LY75: variants seen among roughly 807,000 people sequenced by gnomAD.
LY75 encodes the protein C-type lectin domain family 13 member B.
A neutral mutation model predicts 231.7 loss-of-function variants in LY75; 185 were observed. The ratio of observed to expected loss-of-function variants is 0.80; its 90% CI spans 0.71 to 0.90. LY75 has a LOEUF of 0.90. Ranked by LOEUF, LY75 falls within the 40% of genes least tolerant of loss-of-function variation. LY75 has a pLI of 0.00. For missense variants in LY75, 1,947 were observed against 2,050.2 expected, an observed-to-expected ratio of 0.95 and a Z score of 0.97; for synonymous variants, 668 against 689.0, an observed-to-expected ratio of 0.97 and a Z score of 0.48.
Position 159,872,515 on chromosome 2 carries a change from G to T in LY75, c.2053C>A (p.Leu685Ile). The change falls in exon 13 of 35, where the codon CTT becomes ATT. Residue 685 changes from leucine (L) to isoleucine (I), a missense_variant. Transcript: ENST00000263636. ...ERFCQALGAH[L>I]SSFSHVDEIK... ...TCATCCACATGGCTGAAGCTAGAAA[G>T]GTGTGCTCCAAGGGCTTGGCAGAAT... 1 of 1,613,942 alleles carries T rather than the reference G, an allele frequency of 6.2e-7. No individual in the cohort carries two copies. The highest frequency in any genetic ancestry group is 8.5e-7 in the Non-Finnish European group (1 of 1,179,928).
chr2:159,898,852 T>C lies in LY75; in HGVS notation c.302A>G (p.Asp101Gly), dbSNP rs1348733247. 1 of 1,614,002 alleles carries C rather than the reference T, an allele frequency of 6.2e-7. No homozygotes were observed. The highest frequency in any genetic ancestry group is 1.1e-5 in the South Asian group (1 of 91,072). Residue 101 changes from aspartate to glycine, a missense_variant, in exon 2 of 35, where the codon GAC becomes GGC. Coordinates refer to ENST00000263636, the MANE Select transcript of LY75 (RefSeq NM_002349.4). The part of the protein sequence containing the change: ...SVNELRMFSC[D>G]SSAMLWWKCE... ...TTTCCACCACAGCATGGCACTGGAG[T>C]CACAGCTGAACATTCTCAGCTCATT... is the stretch of plus-strand genomic sequence containing the variant.
At chr2:159,895,624 T>TA (rs1685889118) in intron 2 of LY75, among the ~76,000 whole-genome samples, 1 of 152,214 alleles carries the variant, frequency 6.6e-6, no homozygotes, top group South Asian at 2.1e-4. Context: ...AGTCAAGTGA[T>TA]ACATTCAGGC....
chr2:159,807,633 C>T (rs948289619), intron 33 of LY75: 2 of 985,322 alleles, frequency 2.0e-6, no homozygotes, highest in African/African-American at 1.7e-5. Flanking sequence ...GCTGAAGTGG[C>T]ACCACCTTGT....
intron 15 of LY75, among the ~76,000 whole-genome samples, chr2:159,859,514 A>C (rs1009239305): frequency 2.6e-5 from 4 of 152,132 alleles, no homozygotes; most frequent in Non-Finnish European, 5.9e-5. Flanking sequence ...CTTTCAACTC[A>C]AGACTCTTGA....
intron 28 of LY75, among the ~76,000 whole-genome samples, chr2:159,823,456 A>G (rs569583474): frequency 6.6e-6 from 1 of 152,342 alleles, no homozygotes; most frequent in Admixed American, 6.5e-5. Flanking sequence ...ATGTGAAAAG[A>G]CCAAATCTAC....
rs149904035 is a variant in LY75, at chr2:159,872,462, C to T, written c.2106G>A (p.Thr702=). ...TCTTAAAGTATTACCTGAACTGGTC[C>T]GTTAAAAAGTGAAGAAATTCCTTTA... ...DEIKEFLHFL[T]DQFSGQHWLW... The change falls in exon 13 of 35, where the codon ACG becomes ACA. Residue 702 remains threonine, a synonymous_variant. Transcript: ENST00000263636. 6.8e-6 allele frequency: 11 copies of T among 1,613,252 alleles called. No homozygotes were observed. Among genetic ancestry groups the T allele is most frequent in the East Asian group, 2.2e-5 (1 of 44,876 alleles).
At chr2:159,823,001 A>C (rs192000479) in intron 28 of LY75, among the ~76,000 whole-genome samples, 1 of 152,354 alleles carries the variant, frequency 6.6e-6, no homozygotes, top group African/African-American at 2.4e-5. Context: ...AAACCAGTGC[A>C]AAAAGGCTGA....
Position 159,886,540 on chromosome 2 carries a change from T to G in LY75, c.803-10A>C. 6.3e-7 allele frequency: 1 copy of G among 1,579,032 alleles called. No homozygotes were observed. The highest frequency in any genetic ancestry group is 8.6e-7 in the Non-Finnish European group (1 of 1,166,850). ...GCAATGCCTTCTTTTTCTGTAAGAA[T>G]TAAAAAATTTTTAAAAAGTGACAAA... On this transcript the variant is annotated splice_polypyrimidine_tract_variant and intron_variant, in intron 4 of 34. Coordinates refer to ENST00000263636, the MANE Select transcript of LY75 (RefSeq NM_002349.4).
intron 25 of LY75, among the ~76,000 whole-genome samples, chr2:159,838,713 A>G (rs12463925): frequency 0.014 from 2,088 of 152,324 alleles, 19 homozygotes; most frequent in Admixed American, 0.029. Context: ...ATGCAATGCT[A>G]TAAAACAATT....
intron 30 of LY75, 54 bp from the exon 31 acceptor site, chr2:159,815,627 A>G (rs1683101116): frequency 6.4e-7 from 1 of 1,569,450 alleles, no homozygotes; most frequent in Admixed American, 2.1e-5. Flanking sequence ...CTTCAAAAAG[A>G]ATACAAAGAA....
Position 159,803,512 on chromosome 2 carries a change from A to C in LY75, c.*1532T>G, listed in dbSNP as rs1468692814. ...ACAAGAGAACTAGTCTAACAAATTC[A>C]ATAAGAAATCAGGACAACTGTAGAC... On this transcript the variant is annotated 3_prime_UTR_variant, in exon 35 of 35. Coordinates refer to ENST00000263636, the MANE Select transcript of LY75 (RefSeq NM_002349.4). The C allele has an allele frequency of 6.6e-6, 1 of 152,222 alleles. No individual in the cohort carries two copies. Among genetic ancestry groups the C allele is most frequent in the Non-Finnish European group, 1.5e-5 (1 of 68,040 alleles). 9.4% of individuals were successfully genotyped at this position (152,222 alleles called of 1,614,324 possible). A position where few individuals can be genotyped will look rare whatever the true frequency, so the allele number is the denominator to read the frequency against.
At chr2:159,857,466 G>C (rs539381671) in intron 16 of LY75, among the ~76,000 whole-genome samples, 2 of 152,176 alleles carry the variant, frequency 1.3e-5, no homozygotes, top group African/African-American at 4.8e-5. Context: ...TTGAGGCTGG[G>C]TGCAGTGGCT....
intron 13 of LY75, 56 bp downstream of exon 13, chr2:159,872,395 T>C: frequency 6.4e-7 from 1 of 1,569,392 alleles, no homozygotes; most frequent in Non-Finnish European, 8.6e-7. Flanking sequence ...ATGTCAATTT[T>C]GAATATCTAG....
At chr2:159,862,801 T>A (rs1483894370) in intron 14 of LY75, among the ~76,000 whole-genome samples, 1 of 152,188 alleles carries the variant, frequency 6.6e-6, no homozygotes, top group Admixed American at 6.5e-5. Context: ...CACACAGTTA[T>A]TTCTGTGGTG....
intron 11 of LY75, among the ~76,000 whole-genome samples, chr2:159,877,906 A>T (rs553554230): frequency 2.0e-5 from 3 of 152,262 alleles, no homozygotes; most frequent in Admixed American, 2.0e-4. Flanking sequence ...TAAATAATAC[A>T]AGATAGCCTC....
intron 8 of LY75, among the ~76,000 whole-genome samples, chr2:159,880,721 A>G (rs1448250817): frequency 6.6e-6 from 1 of 152,082 alleles, no homozygotes; most frequent in Non-Finnish European, 1.5e-5. Flanking sequence ...GTGGAAGACA[A>G]TTTTTTCCAC....
chr2:159,858,270 A>T, intron 16 of LY75, 92 bp downstream of exon 16: 1 of 1,483,000 alleles, frequency 6.7e-7, no homozygotes, highest in Non-Finnish European at 9.1e-7. Context: ...AGACATCAGA[A>T]TTATAGATCA....
intron 1 of LY75, among the ~76,000 whole-genome samples, chr2:159,901,019 A>G (rs1332032531): frequency 1.3e-5 from 2 of 152,110 alleles, no homozygotes; most frequent in African/African-American, 2.4e-5. Flanking sequence ...TTGTATTTTT[A>G]GTAGAGATGG....
At chr2:159,831,347 A>G (rs1248326890) in intron 28 of LY75, among the ~76,000 whole-genome samples, 1 of 152,222 alleles carries the variant, frequency 6.6e-6, no homozygotes, top group Non-Finnish European at 1.5e-5. Flanking sequence ...GAGGCTGCCC[A>G]GCCATGCTTT....
Sources: gnomAD v4.1 joint callset for allele counts (sites outside exome capture counted in the v4.1 genomes callset) on GRCh38, gnomAD v4.1.1 for gene constraint, MANE v1.5 for transcripts, NCBI Gene and HGNC (gene_info 2026-07-23, HGNC 2026-07-21) for gene names.